The following CDKAL1 variants were observed in gnomAD, a reference collection of about 807,000 sequenced individuals.
CDKAL1 encodes threonylcarbamoyladenosine tRNA methylthiotransferase.
CDKAL1 carries 32 observed loss-of-function variants against 68.2 expected under a neutral mutation model. That is an observed-to-expected ratio of 0.47 (90% CI 0.35 to 0.63). CDKAL1 has a LOEUF of 0.63. Ranked by LOEUF, CDKAL1 falls within the 30% of genes least tolerant of loss-of-function variation. The pLI, the probability that CDKAL1 is intolerant of heterozygous loss-of-function variation, is 0.00. For synonymous variants in CDKAL1, 234 were observed against 244.3 expected (o/e 0.96, Z 0.39); for missense variants, 606 against 696.7 (o/e 0.87, Z 1.47).
At chr6:20,971,120 T>C (rs1765577734) in intron 10 of CDKAL1, among the ~76,000 whole-genome samples, 1 of 152,228 alleles carries the variant, frequency 6.6e-6, no homozygotes, top group Admixed American at 6.5e-5. Flanking sequence ...GTGCTGGGAT[T>C]ACAGGCATGA....
intron 10 of CDKAL1, among the ~76,000 whole-genome samples, chr6:20,986,190 C>G (rs1170882532): frequency 6.6e-6 from 1 of 152,078 alleles, no homozygotes; most frequent in South Asian, 2.1e-4. Flanking sequence ...TTTCTTCCTT[C>G]GTTTTTGAGG....
intron 11 of CDKAL1, among the ~76,000 whole-genome samples, chr6:21,042,594 C>G (rs1769992336): frequency 6.6e-6 from 1 of 152,182 alleles, no homozygotes; most frequent in South Asian, 2.1e-4. Flanking sequence ...TAATCAGCCA[C>G]CATTTCCAAT....
intron 7 of CDKAL1, 129 bp downstream of exon 7, chr6:20,758,772 T>C (rs1433444835): frequency 2.7e-5 from 18 of 663,784 alleles, no homozygotes; most frequent in Non-Finnish European, 4.4e-5. Flanking sequence ...CATAAAATGT[T>C]ATCCTTGGCT....
chr6:20,781,184 G>A lies in CDKAL1; in HGVS notation c.557G>A (p.Gly186Glu). The A allele has an allele frequency of 6.2e-7, 1 of 1,613,944 alleles. No homozygotes were observed. Among genetic ancestry groups the A allele is most frequent in the Non-Finnish European group, 8.5e-7 (1 of 1,179,926 alleles). The stretch of plus-strand genomic sequence containing the variant: ...CTGCTGGGTCAGAAAAAGGATAATG[G>A]AAGGCGGCTTGGGGGAGCACGATTG... ...VRLLGQKKDNGRRLGGARLDL... is the reference protein window; with the variant it reads ...VRLLGQKKDNERRLGGARLDL... Residue 186 changes from glycine (G) to glutamate (E), a missense_variant, in exon 8 of 16, where the codon GGA becomes GAA. Physicochemically the swap from Gly to Glu is moderately conservative, Grantham distance 98. Transcript: ENST00000274695.
chr6:21,185,631 G>A (rs556338186), intron 13 of CDKAL1, among the ~76,000 whole-genome samples: 4 of 152,228 alleles, frequency 2.6e-5, no homozygotes, highest in East Asian at 1.9e-4. Flanking sequence ...ATGTGTCTAC[G>A]TATCTATGTG....
intron 11 of CDKAL1, among the ~76,000 whole-genome samples, chr6:21,063,788 G>A (rs1410262799): frequency 6.6e-6 from 1 of 152,100 alleles, no homozygotes; most frequent in African/African-American, 2.4e-5. Context: ...AAAGGGCAGA[G>A]ATGAAAGAGA....
In CDKAL1 at chr6:20,748,554, GGA is replaced by G. The variant is rs1561742391; in HGVS notation, c.468+8940_468+8941del. ...GGAAAGAGAGCAAGACTCTGTTTCT[GGA>G]AAAAAAAAAAAAAAAAAAAAAAAAA... On this transcript the variant is annotated intron_variant, in intron 6 of 15. Coordinates refer to ENST00000274695, the MANE Select transcript of CDKAL1 (RefSeq NM_017774.3). Among the ~76,000 whole-genome samples the G allele has an allele frequency of 1.4e-4, 11 of 77,090 alleles. 2 individuals are homozygous for G. The highest frequency in any genetic ancestry group is 3.3e-4 in the Admixed American group (2 of 6,084). 50.6% of individuals were successfully genotyped at this position (77,090 alleles called of 152,430 possible).
chr6:20,697,552 A>G (rs879560137), intron 5 of CDKAL1, among the ~76,000 whole-genome samples: 2 of 152,180 alleles, frequency 1.3e-5, no homozygotes, highest in Non-Finnish European at 2.9e-5. Flanking sequence ...ATTATTTTTG[A>G]GGTACAGACC....
intron 5 of CDKAL1, among the ~76,000 whole-genome samples, chr6:20,704,186 A>G (rs1348057717): frequency 6.6e-6 from 1 of 152,200 alleles, no homozygotes; most frequent in Non-Finnish European, 1.5e-5. Flanking sequence ...TTATCAAATT[A>G]CACCAAGTGC....
At chr6:20,853,391 CA>C (rs763959365) in intron 9 of CDKAL1, among the ~76,000 whole-genome samples, 1 of 55,460 alleles carries the variant, frequency 1.8e-5, no homozygotes, top group African/African-American at 6.3e-5. Flanking sequence ...AAAAACAAAA[CA>C]AAAAAAAAAC....
chr6:20,936,530 G>T (rs1383183567), intron 9 of CDKAL1, among the ~76,000 whole-genome samples: 1 of 151,534 alleles, frequency 6.6e-6, no homozygotes, highest in Non-Finnish European at 1.5e-5. Flanking sequence ...GATTACAGGC[G>T]TGAGCCACCG....
intron 4 of CDKAL1, among the ~76,000 whole-genome samples, chr6:20,606,143 T>C (rs1291052322): frequency 1.3e-5 from 2 of 152,338 alleles, no homozygotes; most frequent in Admixed American, 1.3e-4. Context: ...ATTATTGTTT[T>C]ATATGTTCGG....
At chr6:20,613,297 C>T (rs11752592) in intron 4 of CDKAL1, among the ~76,000 whole-genome samples, 26,108 of 87,838 alleles carry the variant, frequency 0.3, 4,885 homozygotes, top group East Asian at 0.59. Context: ...TTTTTTGAGA[C>T]GGAGTCTCGC....
chr6:21,024,171 T>G (rs1768832272), intron 11 of CDKAL1, among the ~76,000 whole-genome samples: 2 of 152,200 alleles, frequency 1.3e-5, no homozygotes, highest in Admixed American at 1.3e-4. Context: ...AGGGTTCACT[T>G]TAGAGATGAG....
At chr6:21,219,731 A>G (rs547288067) in intron 15 of CDKAL1, among the ~76,000 whole-genome samples, 4 of 152,352 alleles carry the variant, frequency 2.6e-5, no homozygotes, top group African/African-American at 9.6e-5. Flanking sequence ...TTGTATTGTA[A>G]TAACAGCTAA....
chr6:21,188,062 A>C (rs1301963920), intron 13 of CDKAL1, among the ~76,000 whole-genome samples: 1 of 152,158 alleles, frequency 6.6e-6, no homozygotes, highest in African/African-American at 2.4e-5. Flanking sequence ...CTTTTTTAGC[A>C]GTTTGTTTTT....
At chr6:20,666,938 T>C (rs1769576723) in intron 5 of CDKAL1, among the ~76,000 whole-genome samples, 1 of 152,162 alleles carries the variant, frequency 6.6e-6, no homozygotes, top group African/African-American at 2.4e-5. Context: ...GAGACAAATT[T>C]CAGACATTAA....
chr6:21,075,325 A>G (rs1165172109), intron 12 of CDKAL1, among the ~76,000 whole-genome samples: 1 of 152,106 alleles, frequency 6.6e-6, no homozygotes, highest in African/African-American at 2.4e-5. Flanking sequence ...AATATAAATA[A>G]ATTTCAGTGT....
intron 8 of CDKAL1, among the ~76,000 whole-genome samples, chr6:20,810,308 A>G (rs1239953130): frequency 1.3e-5 from 2 of 150,788 alleles, no homozygotes; most frequent in Admixed American, 1.3e-4. Context: ...TTGTTGTATC[A>G]TTTAATTAGT....
Sources: gnomAD v4.1 joint callset for allele counts (sites outside exome capture counted in the v4.1 genomes callset) on GRCh38, gnomAD v4.1.1 for gene constraint, MANE v1.5 for transcripts, NCBI Gene and HGNC (gene_info 2026-07-23, HGNC 2026-07-21) for gene names.